Variants in RBFOX1 observed in about 807,000 individuals in gnomAD.
RBFOX1 encodes the protein RNA binding protein fox-1 homolog 1.
RBFOX1 carries 8 observed loss-of-function variants against 57.7 expected under a neutral mutation model. That is an observed-to-expected ratio of 0.14 (90% CI 0.08 to 0.25). RBFOX1 has a LOEUF of 0.25. Ranked by LOEUF, RBFOX1 falls within the 10% of genes least tolerant of loss-of-function variation. The pLI, the probability that RBFOX1 is intolerant of heterozygous loss-of-function variation, is 1.00. For missense variants in RBFOX1, 611 were observed against 548.5 expected (o/e 1.11, Z -1.14); for synonymous variants, 326 against 222.4 (o/e 1.47, Z -4.15).
At chr16:6,613,377 T>A (rs917933194) in intron 2 of RBFOX1, among the ~76,000 whole-genome samples, 1 of 152,042 alleles carries the variant, frequency 6.6e-6, no homozygotes, top group Non-Finnish European at 1.5e-5. Context: ...AAAATCCATA[T>A]GAGAATGCCT....
intron 3 of RBFOX1, among the ~76,000 whole-genome samples, chr16:6,901,519 T>C (rs1290178958): frequency 6.6e-6 from 1 of 152,190 alleles, no homozygotes; most frequent in African/African-American, 2.4e-5. Context: ...AGCAAGTTCA[T>C]GTCTAGTTAA....
intron 1 of RBFOX1, among the ~76,000 whole-genome samples, chr16:5,361,737 G>A (rs1330530492): frequency 1.3e-5 from 2 of 152,196 alleles, no homozygotes; most frequent in East Asian, 3.8e-4. Context: ...CCTCCACTTT[G>A]TGCCAAGTTG....
chr16:5,774,401 A>G (rs2054079755), intron 3 of RBFOX1, among the ~76,000 whole-genome samples: 2 of 152,222 alleles, frequency 1.3e-5, no homozygotes, highest in Admixed American at 6.5e-5. Flanking sequence ...CACGTAGATG[A>G]TTTTAGAAAT....
chr16:5,257,797 A>C (rs2062626990), intron 1 of RBFOX1, among the ~76,000 whole-genome samples: 1 of 151,300 alleles, frequency 6.6e-6, no homozygotes, highest in African/African-American at 2.4e-5. Flanking sequence ...GACTTCCTCT[A>C]CTCTGCACCA....
chr16:7,052,810 T>G (rs1488222673), intron 4 of RBFOX1, among the ~76,000 whole-genome samples: 1 of 152,180 alleles, frequency 6.6e-6, no homozygotes, highest in Non-Finnish European at 1.5e-5. Flanking sequence ...TTCTTCCCAT[T>G]TGTTTTCTTC....
intron 4 of RBFOX1, among the ~76,000 whole-genome samples, chr16:7,250,796 A>G (rs2094473756): frequency 6.6e-6 from 1 of 152,228 alleles, no homozygotes; most frequent in Non-Finnish European, 1.5e-5. Flanking sequence ...AGGCACCAAG[A>G]CAGCTGCAGT....
In RBFOX1 at chr16:5,462,448, G is replaced by A. The variant is rs555868044; in HGVS notation, c.220-4768G>A. Among the ~76,000 whole-genome samples the A allele has an allele frequency of 3.9e-5, 6 of 152,154 alleles. No individual in the cohort carries two copies. In the South Asian group the frequency reaches 1.0e-3, roughly 26 times the overall value. On this transcript the variant is annotated intron_variant, in intron 1 of 2. Coordinates refer to the RBFOX1 transcript ENST00000585867. ...CTCCCAAAGTGCTGGGATTACAGGCGTGAGCCACCGCGCCCGGCCGAAACC... is the reference window on the plus strand; with the variant it reads ...CTCCCAAAGTGCTGGGATTACAGGCATGAGCCACCGCGCCCGGCCGAAACC...
intron 14 of RBFOX1, among the ~76,000 whole-genome samples, chr16:7,688,717 AAAAC>A (rs1444495664): frequency 6.6e-5 from 10 of 152,160 alleles, no homozygotes; most frequent in African/African-American, 2.4e-4. Context: ...GTTGATCTAT[AAAAC>A]CATCTTAAAA....
intron 4 of RBFOX1, among the ~76,000 whole-genome samples, chr16:7,139,168 A>ATC (rs144266030): frequency 3.9e-4 from 54 of 139,500 alleles, no homozygotes; most frequent in South Asian, 1.7e-3. Flanking sequence ...GATGAAATCA[A>ATC]TCTCTCTCTG....
chr16:6,618,255 G>T (rs1020372543), intron 2 of RBFOX1, among the ~76,000 whole-genome samples: 2 of 152,092 alleles, frequency 1.3e-5, no homozygotes, highest in African/African-American at 4.8e-5. Context: ...ATGATTATGT[G>T]TATACCCTAG....
intron 2 of RBFOX1, among the ~76,000 whole-genome samples, chr16:5,501,485 C>G (rs1307657523): frequency 2.6e-5 from 4 of 151,964 alleles, no homozygotes; most frequent in African/African-American, 9.7e-5. Context: ...CAGGCTGAAT[C>G]CTGGGGGAAG....
At chr16:6,857,822 A>G (rs2058185461) in intron 3 of RBFOX1, among the ~76,000 whole-genome samples, 1 of 152,154 alleles carries the variant, frequency 6.6e-6, no homozygotes, top group Non-Finnish European at 1.5e-5. Flanking sequence ...TGTTTTGGTA[A>G]TTAATTATAG....
At chr16:6,926,746 T>A (rs925004545) in intron 3 of RBFOX1, among the ~76,000 whole-genome samples, 2 of 152,192 alleles carry the variant, frequency 1.3e-5, no homozygotes, top group African/African-American at 2.4e-5. Context: ...AGAGCACACT[T>A]CTTGGAGACT....
chr16:5,344,210 A>G (rs2065092467), intron 1 of RBFOX1, among the ~76,000 whole-genome samples: 1 of 152,008 alleles, frequency 6.6e-6, no homozygotes, highest in South Asian at 2.1e-4. Context: ...GCTGCTGTTG[A>G]GCTGTTGGCC....
At chr16:6,609,496 A>G (rs1199353918) in intron 2 of RBFOX1, among the ~76,000 whole-genome samples, 3 of 152,032 alleles carry the variant, frequency 2.0e-5, no homozygotes, top group Admixed American at 2.0e-4. Flanking sequence ...GGTGCATGCC[A>G]CCACACTTGG....
At chr16:7,400,496 T>G (rs2098222980) in intron 4 of RBFOX1, among the ~76,000 whole-genome samples, 1 of 152,186 alleles carries the variant, frequency 6.6e-6, no homozygotes, top group African/African-American at 2.4e-5. Context: ...AAAGCTACCT[T>G]GGCCCACAGC....
At chr16:6,827,113 A>T (rs1184398479) in intron 3 of RBFOX1, among the ~76,000 whole-genome samples, 2 of 152,144 alleles carry the variant, frequency 1.3e-5, no homozygotes, top group African/African-American at 4.8e-5. Context: ...GTGTCCTTTA[A>T]TCTAACACCA....
intron 1 of RBFOX1, among the ~76,000 whole-genome samples, chr16:6,231,003 T>G (rs2097454994): frequency 6.6e-6 from 1 of 152,136 alleles, no homozygotes; most frequent in South Asian, 2.1e-4. Flanking sequence ...CAGTAAACTG[T>G]TACATCAGTG....
chr16:6,291,703 A>T (rs1249422905), intron 1 of RBFOX1, among the ~76,000 whole-genome samples: 1 of 152,244 alleles, frequency 6.6e-6, no homozygotes, highest in Non-Finnish European at 1.5e-5. Flanking sequence ...AGACAAAGGC[A>T]TAAATAATTA....
Sources: allele counts gnomAD v4.1 joint callset (sites outside exome capture counted in the v4.1 genomes callset), GRCh38; gene constraint gnomAD v4.1.1; transcripts MANE v1.5; gene names NCBI Gene and HGNC (gene_info 2026-07-23, HGNC 2026-07-21).